PCDHA6: variants seen among roughly 807,000 people sequenced by gnomAD.
PCDHA6 encodes protocadherin alpha-6.
PCDHA6 carries 55 observed loss-of-function variants against 60.3 expected under a neutral mutation model. The ratio of observed to expected loss-of-function variants is 0.91; its 90% CI spans 0.73 to 1.14. The LOEUF (loss-of-function observed/expected upper bound fraction) is 1.14. Ranked by LOEUF, PCDHA6 falls within the 50% of genes most tolerant of loss-of-function variation. The pLI is 0.00. For synonymous variants in PCDHA6, 652 were observed against 557.9 expected (o/e 1.17, Z -2.38); for missense variants, 1,327 against 1,256.5 (o/e 1.06, Z -0.85).
chr5:140,858,511 GTA>G (rs1554151718), intron 1 of PCDHA6: 1 of 1,433,712 alleles, frequency 7.0e-7, no homozygotes, highest in Admixed American at 2.0e-5. Flanking sequence ...TCTCAAATAT[GTA>G]TCAGAATATT....
chr5:140,927,027 G>A (rs1554203924), intron 1 of PCDHA6: 3 of 1,612,328 alleles, frequency 1.9e-6, no homozygotes, highest in Non-Finnish European at 1.7e-6. Context: ...ACTTGAGGCT[G>A]CCAGCGGCCG....
intron 1 of PCDHA6, among the ~76,000 whole-genome samples, chr5:140,941,191 T>TTTCTTTCTTCCTTTCTTCCTTTC (rs1487503403): frequency 1.1e-5 from 1 of 93,258 alleles, no homozygotes; most frequent in African/African-American, 3.9e-5. Flanking sequence ...GCTTCTTTTT[T>TTTCTTTCTTCCTTTCTTCCTTTC]TTTCTTTCTT....
intron 1 of PCDHA6, among the ~76,000 whole-genome samples, chr5:140,936,010 A>G (rs1470244912): frequency 6.6e-6 from 1 of 150,776 alleles, no homozygotes; most frequent in Non-Finnish European, 1.5e-5. Context: ...CTCCCACCTC[A>G]GCCTCCCGAG....
Position 140,884,200 on chromosome 5 carries a change from C to T in PCDHA6, c.2394+53715C>T, listed in dbSNP as rs2060048327. 2.5e-6 allele frequency: 4 copies of T among 1,613,458 alleles called. No individual in the cohort carries two copies. The Admixed American group carries it at 5.0e-5, about 20-fold the overall frequency. Reference sequence around the variant, plus strand: ...CTCTGGACGAGGTGGACGCGCCGCACCACCGCCTTCTGGTGCTGGTGAAGG... The same window carrying T: ...CTCTGGACGAGGTGGACGCGCCGCATCACCGCCTTCTGGTGCTGGTGAAGG... On this transcript the variant is annotated intron_variant, in intron 1 of 3. Transcript: ENST00000529310.
intron 1 of PCDHA6, among the ~76,000 whole-genome samples, chr5:140,931,907 G>T (rs573618162): frequency 6.6e-6 from 1 of 151,782 alleles, no homozygotes; most frequent in Non-Finnish European, 1.5e-5. Flanking sequence ...CATTTGAAAA[G>T]CATGACATTT....
At chr5:140,867,423 A>G (rs1399312852) in intron 1 of PCDHA6, 14 of 152,182 alleles carry the variant, frequency 9.2e-5, no homozygotes, top group African/African-American at 3.4e-4. Flanking sequence ...TTTTTAATAC[A>G]GAATTTTGCA....
At chr5:140,836,310 C>T in intron 1 of PCDHA6, 1 of 1,613,714 alleles carries the variant, frequency 6.2e-7, no homozygotes. Context: ...GACGGACGCA[C>T]CGCGCCACCG....
chr5:140,977,610 A>G (rs1056611698), intron 1 of PCDHA6, among the ~76,000 whole-genome samples: 1 of 152,196 alleles, frequency 6.6e-6, no homozygotes, highest in Non-Finnish European at 1.5e-5. Context: ...CCATTGAGGT[A>G]AAGTATCCCA....
chr5:140,928,122 A>G (rs1554205517), intron 1 of PCDHA6: 14 of 1,614,078 alleles, frequency 8.7e-6, no homozygotes, highest in Non-Finnish European at 1.2e-5. Context: ...AGATCAGTGA[A>G]TACCAAGTCC....
chr5:140,980,857 T>C (rs2153822974), intron 2 of PCDHA6, among the ~76,000 whole-genome samples: 1 of 152,334 alleles, frequency 6.6e-6, no homozygotes. Flanking sequence ...ATCTTTTTCG[T>C]ATGTGTGCTT....
chr5:140,933,270 C>T (rs1388946153), intron 1 of PCDHA6, among the ~76,000 whole-genome samples: 1 of 151,842 alleles, frequency 6.6e-6, no homozygotes, highest in African/African-American at 2.4e-5. Context: ...ATTATATATT[C>T]ATTTGGAACT....
At chr5:140,862,361 ACCC>A in intron 1 of PCDHA6, 2 of 339,278 alleles carry the variant, frequency 5.9e-6, no homozygotes, top group South Asian at 4.8e-5. Context: ...GGGACAGACG[ACCC>A]GCACCCTGAC....
chr5:140,903,121 C>A (rs2070010801), intron 1 of PCDHA6, among the ~76,000 whole-genome samples: 2 of 152,188 alleles, frequency 1.3e-5, no homozygotes, highest in Non-Finnish European at 2.9e-5. Flanking sequence ...ACTTCTAAAT[C>A]TTTAAGAAAT....
intron 1 of PCDHA6, chr5:140,966,877 T>A (rs782616985): frequency 6.3e-7 from 1 of 1,586,572 alleles, no homozygotes; most frequent in Admixed American, 1.8e-5. Context: ...TGCTGCTACC[T>A]GGCCCTGCGG....
chr5:140,989,653 T>A (rs1308581336), intron 3 of PCDHA6, among the ~76,000 whole-genome samples: 2 of 152,194 alleles, frequency 1.3e-5, no homozygotes, highest in African/African-American at 4.8e-5. Context: ...ATGGCAATAT[T>A]TTAAAAGAAA....
chr5:140,827,998 C>G lies in PCDHA6; in HGVS notation c.-94C>G. 3 of 1,482,462 alleles carry G rather than the reference C, an allele frequency of 2.0e-6. No individual in the cohort carries two copies. Among genetic ancestry groups the G allele is most frequent in the Non-Finnish European group, 2.7e-6 (3 of 1,104,160 alleles). The allele number at this position is 1,482,462 out of a possible 1,614,324, so 91.8% of individuals were successfully genotyped here. On this transcript the variant is annotated 5_prime_UTR_variant, in exon 1 of 4. Coordinates refer to ENST00000529310, the MANE Select transcript of PCDHA6 (RefSeq NM_018909.4). ...TCCCTGACTGTTGAATGATGGCGGA[C>G]GCAGAAGAAATGGATTAATAAATTC... is the stretch of plus-strand genomic sequence containing the variant.
intron 3 of PCDHA6, among the ~76,000 whole-genome samples, chr5:140,994,615 G>C (rs2097641272): frequency 6.6e-6 from 1 of 152,078 alleles, no homozygotes; most frequent in Admixed American, 6.6e-5. Context: ...TGAGGCACGA[G>C]AGTCACTTGA....
At chr5:140,936,662 CT>C (rs1337986057) in intron 1 of PCDHA6, among the ~76,000 whole-genome samples, 1 of 152,178 alleles carries the variant, frequency 6.6e-6, no homozygotes, top group Non-Finnish European at 1.5e-5. Context: ...TATTCTGTTT[CT>C]GGACTGTCTA....
chr5:140,907,641 C>T (rs2073511625), intron 1 of PCDHA6, among the ~76,000 whole-genome samples: 1 of 152,212 alleles, frequency 6.6e-6, no homozygotes, highest in Non-Finnish European at 1.5e-5. Context: ...CTGCTGCTGG[C>T]AAATTGGGCA....
Sources: allele counts gnomAD v4.1 joint callset (sites outside exome capture counted in the v4.1 genomes callset), GRCh38; gene constraint gnomAD v4.1.1; transcripts MANE v1.5; gene names NCBI Gene and HGNC (gene_info 2026-07-23, HGNC 2026-07-21).